The following CSNK1G2 variants were observed in gnomAD, a reference collection of about 807,000 sequenced individuals.
CSNK1G2 encodes the protein casein kinase I isoform gamma-2.
A neutral mutation model predicts 48.0 loss-of-function variants in CSNK1G2; 11 were observed. That is an observed-to-expected ratio of 0.23 (90% CI 0.14 to 0.38). CSNK1G2 has a LOEUF of 0.38. CSNK1G2 is among the 10% of genes least tolerant of loss of function. The pLI, the probability that CSNK1G2 is intolerant of heterozygous loss-of-function variation, is 1.00. For synonymous variants in CSNK1G2, 337 were observed against 254.1 expected (o/e 1.33, Z -3.10); for missense variants, 446 against 595.5 (o/e 0.75, Z 2.61).
At chr19:1,976,040 G>A in intron 2 of CSNK1G2, 1 of 1,288,212 alleles carries the variant, frequency 7.8e-7, no homozygotes, top group Non-Finnish European at 1.0e-6. Context: ...GCTCCAAAAA[G>A]AAAAAAACTT....
Position 1,979,893 on chromosome 19 carries a change from C to T in CSNK1G2, c.1087-18C>T. 1.9e-6 allele frequency: 3 copies of T among 1,606,508 alleles called. No individual in the cohort carries two copies. The highest frequency in any genetic ancestry group is 1.1e-5 in the South Asian group (1 of 90,298). On this transcript the variant is annotated intron_variant, in intron 10 of 11. Coordinates refer to ENST00000255641, the MANE Select transcript of CSNK1G2 (RefSeq NM_001319.7). ...AGGGGCATGGGCGGCCAGCGTGACC[C>T]CCTACTGCCCCCACCAGGCGTTGAA...
At chr19:1,955,249 C>A (rs1258478247) in intron 1 of CSNK1G2, among the ~76,000 whole-genome samples, 2 of 152,126 alleles carry the variant, frequency 1.3e-5, no homozygotes, top group Non-Finnish European at 2.9e-5. Context: ...GCCCTGTGCC[C>A]ACGGAACACA....
rs185082325 is a variant in CSNK1G2, at chr19:1,965,342, C to T, written c.-265-4166C>T. On this transcript the variant is annotated intron_variant, in intron 1 of 11. Transcript: ENST00000255641. The stretch of plus-strand genomic sequence containing the variant: ...AGGTTGCAGTGAGCCGAGATTGTGC[C>T]ACTGCACTCCAGCCTGGGCGACAGA... 6.0e-3 allele frequency among the ~76,000 whole-genome samples: 903 copies of T among 149,542 alleles called. 7 individuals carry two copies. The highest frequency in any genetic ancestry group is 8.4e-3 in the Admixed American group (127 of 15,054).
intron 1 of CSNK1G2, among the ~76,000 whole-genome samples, chr19:1,945,674 T>C (rs1276921846): frequency 6.6e-6 from 1 of 151,992 alleles, no homozygotes; most frequent in Non-Finnish European, 1.5e-5. Context: ...ATACAAAAAT[T>C]AGCCGGGCGT....
intron 1 of CSNK1G2, among the ~76,000 whole-genome samples, chr19:1,964,904 T>A (rs1459306741): frequency 6.6e-6 from 1 of 151,510 alleles, no homozygotes; most frequent in Non-Finnish European, 1.5e-5. Context: ...GTTTTTGTAA[T>A]TTTAGTAGAA....
At chr19:1,965,004 G>A (rs1381001296) in intron 1 of CSNK1G2, among the ~76,000 whole-genome samples, 1 of 151,164 alleles carries the variant, frequency 6.6e-6, no homozygotes, top group African/African-American at 2.4e-5. Flanking sequence ...GGGATTACAG[G>A]TGTGAGCCAC....
At chr19:1,948,332 G>C (rs1442762749) in intron 1 of CSNK1G2, among the ~76,000 whole-genome samples, 7 of 151,928 alleles carry the variant, frequency 4.6e-5, no homozygotes, top group African/African-American at 1.7e-4. Context: ...GACCATCCTG[G>C]CTAACACAGT....
At chr19:1,947,308 A>G (rs1049653626) in intron 1 of CSNK1G2, among the ~76,000 whole-genome samples, 1 of 152,202 alleles carries the variant, frequency 6.6e-6, no homozygotes, top group African/African-American at 2.4e-5. Context: ...GCCCTGTTGC[A>G]GGTGGGACCC....
intron 1 of CSNK1G2, among the ~76,000 whole-genome samples, chr19:1,949,654 A>C (rs1242456206): frequency 1.3e-5 from 2 of 152,364 alleles, no homozygotes; most frequent in East Asian, 1.9e-4. Context: ...CGCTGGTCAC[A>C]GGGCCACTCC....
rs1186371190 is a variant in CSNK1G2 at position 1,941,178 on chromosome 19, T to A, written c.-506T>A. The A allele has an allele frequency of 6.9e-6, 1 of 145,892 alleles. No homozygotes were observed. The highest frequency in any genetic ancestry group is 1.5e-5 in the Non-Finnish European group (1 of 65,720). 9.0% of individuals were successfully genotyped at this position (145,892 alleles called of 1,614,324 possible). ...GCTGCCGCCCCCCGCTGGCAGACGC[T>A]GGCGGCGTAAGGCGCGCGGGCCCCG... On this transcript the variant is annotated 5_prime_UTR_variant, in exon 1 of 12. Coordinates refer to ENST00000255641, the MANE Select transcript of CSNK1G2 (RefSeq NM_001319.7).
chr19:1,976,900 A>T (rs2238592), intron 2 of CSNK1G2, among the ~76,000 whole-genome samples: 1 of 151,830 alleles, frequency 6.6e-6, no homozygotes, highest in African/African-American at 2.4e-5. Flanking sequence ...TCACCATGCC[A>T]GGCTAATTTT....
In CSNK1G2 at chr19:1,960,704, G is replaced by A. The variant is rs151073122; in HGVS notation, c.-265-8804G>A. On this transcript the variant is annotated intron_variant, in intron 1 of 11. Coordinates refer to ENST00000255641, the MANE Select transcript of CSNK1G2 (RefSeq NM_001319.7). ...GGAGTTTGAGACCAGCCTGGCCAAC[G>A]TGGCAAAACCTTGTCTCTACCAGAA... Among the ~76,000 whole-genome samples, 1,154 of 152,188 alleles carry A rather than the reference G, an allele frequency of 7.6e-3. 12 individuals carry two copies. Among genetic ancestry groups the A allele is most frequent in the African/African-American group, 0.026 (1,071 of 41,508 alleles).
intron 1 of CSNK1G2, among the ~76,000 whole-genome samples, chr19:1,956,008 G>A (rs899596845): frequency 2.0e-5 from 3 of 152,216 alleles, no homozygotes; most frequent in African/African-American, 7.2e-5. Context: ...TCGGCACACA[G>A]CCCGGGCTGG....
intron 1 of CSNK1G2, among the ~76,000 whole-genome samples, chr19:1,941,960 C>A (rs1334129085): frequency 1.3e-5 from 2 of 152,050 alleles, no homozygotes; most frequent in Non-Finnish European, 2.9e-5. Flanking sequence ...GCCCACCTGG[C>A]CCCATCGCCT....
At chr19:1,966,518 G>A (rs2015370115) in intron 1 of CSNK1G2, among the ~76,000 whole-genome samples, 1 of 152,190 alleles carries the variant, frequency 6.6e-6, no homozygotes, top group Non-Finnish European at 1.5e-5. Context: ...TGAAGATTCT[G>A]TGAACCTGGG....
chr19:1,974,043 A>G (rs1053142908), intron 2 of CSNK1G2, among the ~76,000 whole-genome samples: 1 of 151,864 alleles, frequency 6.6e-6, no homozygotes, highest in Non-Finnish European at 1.5e-5. Context: ...GCCCGTCACC[A>G]CACCCAGCTA....
In CSNK1G2 at chr19:1,979,170, C is replaced by T. The variant is rs1295132885; in HGVS notation, c.690C>T (p.Ser230=). ...GCGCCCCTGTCCCCGCAGAGCAGAG[C>T]CGCCGCGACGACCTGGAGGCGCTGG... ...SINTHLGKEQ[S]RRDDLEALGH... is the part of the protein sequence containing the mutation. Residue 230 remains serine, a synonymous_variant, in exon 7 of 12, where the codon AGC becomes AGT. Transcript: ENST00000255641. 24 of 1,527,028 alleles carry T rather than the reference C, an allele frequency of 1.6e-5. No homozygotes were observed. The East Asian group carries it at 3.4e-4, about 22-fold the overall frequency. The allele number at this position is 1,527,028 out of a possible 1,614,324, so 94.6% of individuals were successfully genotyped here.
At chr19:1,954,244 G>A in intron 1 of CSNK1G2, 1 of 323,406 alleles carries the variant, frequency 3.1e-6, no homozygotes, top group Admixed American at 3.9e-5. Flanking sequence ...ACTGGGCTGG[G>A]CCTGGCCCCG....
intron 1 of CSNK1G2, among the ~76,000 whole-genome samples, chr19:1,945,821 CAAA>C (rs71174398): frequency 8.6e-4 from 97 of 113,198 alleles, no homozygotes; most frequent in African/African-American, 9.0e-4. Context: ...GACTCCGTCT[CAAA>C]AAAAAAAAAA....
Sources: gnomAD v4.1 joint callset for allele counts (sites outside exome capture counted in the v4.1 genomes callset) on GRCh38, gnomAD v4.1.1 for gene constraint, MANE v1.5 for transcripts, NCBI Gene and HGNC (gene_info 2026-07-23, HGNC 2026-07-21) for gene names.